FMN1: variants seen among roughly 807,000 people sequenced by gnomAD.
The protein encoded by FMN1 is formin 1.
In FMN1, 110 loss-of-function variants were observed where a neutral mutation model predicts 132.4. The observed-to-expected ratio is 0.83, with a 90% CI of 0.71 to 0.97. The LOEUF (loss-of-function observed/expected upper bound fraction) is 0.97. FMN1 is among the 50% of genes least tolerant of loss of function. The probability of loss-of-function intolerance (pLI) is 0.00; values close to 1 mark genes in which losing one functional copy is unlikely to be tolerated. For synonymous variants in FMN1, 722 were observed against 651.7 expected (o/e 1.11, Z -1.64); for missense variants, 1,792 against 1,705.3 (o/e 1.05, Z -0.90).
intron 6 of FMN1, among the ~76,000 whole-genome samples, chr15:33,047,960 G>A (rs1481344228): frequency 1.1e-4 from 16 of 151,986 alleles, no homozygotes; most frequent in African/African-American, 1.9e-4. Context: ...ATATATGTGC[G>A]CGTGTGTAAT....
At chr15:32,917,006 T>A (rs915031108) in intron 10 of FMN1, among the ~76,000 whole-genome samples, 1 of 151,242 alleles carries the variant, frequency 6.6e-6, no homozygotes, top group Non-Finnish European at 1.5e-5. Flanking sequence ...TAACATGGGG[T>A]TCATGGGAAG....
At chr15:32,888,860 T>G (rs1446744839) in intron 15 of FMN1, among the ~76,000 whole-genome samples, 1 of 99,502 alleles carries the variant, frequency 1.0e-5, no homozygotes, top group Admixed American at 9.9e-5. Flanking sequence ...TACACAGGTT[T>G]TTTTTTTTTT....
At chr15:32,838,583 C>T (rs1230359988) in intron 17 of FMN1, among the ~76,000 whole-genome samples, 3 of 152,184 alleles carry the variant, frequency 2.0e-5, no homozygotes, top group African/African-American at 7.2e-5. Context: ...ACACACATGC[C>T]CGCTTAAAGC....
At chr15:32,909,435 G>T (rs909719470) in intron 11 of FMN1, among the ~76,000 whole-genome samples, 1 of 152,174 alleles carries the variant, frequency 6.6e-6, no homozygotes, top group African/African-American at 2.4e-5. Flanking sequence ...AACGTGAGAA[G>T]TTCCGACCCA....
At chr15:33,033,008 G>A (rs1403188197) in intron 6 of FMN1, among the ~76,000 whole-genome samples, 1 of 152,038 alleles carries the variant, frequency 6.6e-6, no homozygotes, top group Non-Finnish European at 1.5e-5. Context: ...GCTAGCTGCT[G>A]TTTTACTATT....
intron 17 of FMN1, among the ~76,000 whole-genome samples, chr15:32,829,221 T>C (rs1301502078): frequency 3.3e-5 from 5 of 152,142 alleles, no homozygotes; most frequent in Non-Finnish European, 7.4e-5. Flanking sequence ...ATAACAAAAA[T>C]TTGCCATGCA....
intron 6 of FMN1, among the ~76,000 whole-genome samples, chr15:33,021,464 G>C (rs35380582): frequency 0.14 from 21,512 of 152,014 alleles, 1,689 homozygotes; most frequent in Middle Eastern, 0.22. Flanking sequence ...CACACACACA[G>C]AGAAAAAGGT....
intron 5 of FMN1, among the ~76,000 whole-genome samples, chr15:33,082,053 G>GTGTGTGTGTGTGTGTGTGTGTGTGTT (rs540217494): frequency 3.8e-4 from 51 of 134,560 alleles, no homozygotes; most frequent in African/African-American, 1.3e-3. Context: ...GTGTGTGTGT[G>GTGTGTGTGTGTGTGTGTGTGTGTGTT]TAAGACGGAG....
chr15:32,980,394 T>TTA (rs1482585725), intron 7 of FMN1, among the ~76,000 whole-genome samples: 2 of 152,160 alleles, frequency 1.3e-5, no homozygotes. Flanking sequence ...TAAACTTGCT[T>TTA]TATATATCTG....
chr15:33,167,040 G>A (rs1486314420), intron 3 of FMN1, among the ~76,000 whole-genome samples: 1 of 152,028 alleles, frequency 6.6e-6, no homozygotes, highest in Non-Finnish European at 1.5e-5. Context: ...AAATATTTAG[G>A]TGAGGTAATG....
At chr15:32,876,171 T>C (rs2059632120) in intron 16 of FMN1, among the ~76,000 whole-genome samples, 1 of 152,250 alleles carries the variant, frequency 6.6e-6, no homozygotes, top group Non-Finnish European at 1.5e-5. Context: ...AGCAGAATCC[T>C]GATCAAAAGC....
At chr15:32,815,440 T>C (rs1006038635) in intron 17 of FMN1, among the ~76,000 whole-genome samples, 5 of 152,218 alleles carry the variant, frequency 3.3e-5, no homozygotes, top group South Asian at 4.1e-4. Flanking sequence ...GATGATTATC[T>C]ATGATATTTA....
chr15:32,778,288 A>T lies in FMN1; in HGVS notation c.4131-1369T>A, dbSNP rs558390090. On this transcript the variant is annotated intron_variant, in intron 19 of 20. Coordinates refer to ENST00000616417, the MANE Select transcript of FMN1 (RefSeq NM_001277313.2). Reference sequence around the variant, plus strand: ...AGAAATATATATTTTATATATATATATATTTTTTTGAGACAGAGTCTTGCT... The same window carrying T: ...AGAAATATATATTTTATATATATATTTATTTTTTTGAGACAGAGTCTTGCT... 1.1e-3 allele frequency among the ~76,000 whole-genome samples: 166 copies of T among 144,600 alleles called. 1 individual carries two copies. The highest frequency in any genetic ancestry group is 3.6e-3 in the Middle Eastern group (1 of 276). 94.9% of individuals were successfully genotyped at this position (144,600 alleles called of 152,430 possible).
At chr15:32,800,664 G>A (rs556039494) in intron 18 of FMN1, among the ~76,000 whole-genome samples, 1 of 152,300 alleles carries the variant, frequency 6.6e-6, no homozygotes, top group Non-Finnish European at 1.5e-5. Context: ...TTTTATAGGT[G>A]ACAAAACAGA....
intron 19 of FMN1, among the ~76,000 whole-genome samples, chr15:32,795,494 T>C (rs1173049047): frequency 1.3e-5 from 2 of 151,998 alleles, no homozygotes; most frequent in Non-Finnish European, 2.9e-5. Context: ...CACCATTTAA[T>C]TCCTGCTTCA....
chr15:32,811,332 G>A (rs551757569), intron 17 of FMN1, among the ~76,000 whole-genome samples: 8 of 152,270 alleles, frequency 5.3e-5, no homozygotes, highest in African/African-American at 1.9e-4. Context: ...AAGTTGAAGA[G>A]TAGAGGGCCA....
intron 3 of FMN1, among the ~76,000 whole-genome samples, chr15:33,171,495 T>C (rs980238326): frequency 1.5e-4 from 23 of 151,402 alleles, no homozygotes; most frequent in African/African-American, 5.4e-4. Flanking sequence ...ACAAATATTA[T>C]ATGTCGATTA....
rs1290030245 is a variant in FMN1 at position 33,019,607 on chromosome 15, G to A, written c.2162-11532C>T. Among the ~76,000 whole-genome samples, 7 of 152,304 alleles carry A rather than the reference G, an allele frequency of 4.6e-5. No individual in the cohort carries two copies. The East Asian group carries it at 9.7e-4, about 21-fold the overall frequency. On this transcript the variant is annotated intron_variant, in intron 6 of 20. Coordinates refer to ENST00000616417, the MANE Select transcript of FMN1 (RefSeq NM_001277313.2). ...GAAACTCAGGCATGGCGAGCTGGAGGTCCCGAGCCCTGCCCTGCAAGGAGG... is the reference window on the plus strand; with the variant it reads ...GAAACTCAGGCATGGCGAGCTGGAGATCCCGAGCCCTGCCCTGCAAGGAGG...
intron 4 of FMN1, among the ~76,000 whole-genome samples, chr15:33,124,646 G>A (rs529810468): frequency 1.3e-5 from 2 of 152,176 alleles, no homozygotes; most frequent in African/African-American, 4.8e-5. Flanking sequence ...CTAATAATCT[G>A]TGTTCTTTTC....
Sources: allele counts gnomAD v4.1 joint callset (sites outside exome capture counted in the v4.1 genomes callset), GRCh38; gene constraint gnomAD v4.1.1; transcripts MANE v1.5; gene names NCBI Gene and HGNC (gene_info 2026-07-23, HGNC 2026-07-21).